IARS1: variants seen among roughly 807,000 people sequenced by gnomAD.
IARS1 encodes isoleucine--tRNA ligase, cytoplasmic.
Under a neutral mutation model 168.2 loss-of-function variants are expected in IARS1, and 124 were observed. The observed-to-expected ratio is 0.74, with a 90% CI of 0.64 to 0.86. The LOEUF (loss-of-function observed/expected upper bound fraction) is 0.86, where lower values mean the gene tolerates loss of function less well. Ranked by LOEUF, IARS1 falls within the 40% of genes least tolerant of loss-of-function variation. IARS1 has a pLI of 0.00. For missense variants in IARS1, 1,452 were observed against 1,515.8 expected, an observed-to-expected ratio of 0.96 and a Z score of 0.70; for synonymous variants, 532 against 529.4, an observed-to-expected ratio of 1.00 and a Z score of -0.07.
chr9:92,222,581 G>A lies in IARS1; in HGVS notation c.3645C>T (p.Ala1215=). ...LTHQGLLYEA[A]KVFGLRSRKL... ...TCCTGCTCCGAAGGCCAAACACCTT[G>A]GCTGCTTCATACAGAAGACCTTGGT... The change falls in exon 33 of 34, where the codon GCC becomes GCT. Residue 1215 remains alanine (A), a synonymous_variant. Coordinates refer to ENST00000443024, the MANE Select transcript of IARS1 (RefSeq NM_002161.6). 1 of 1,614,056 alleles carries A rather than the reference G, an allele frequency of 6.2e-7. No individual in the cohort carries two copies. Among genetic ancestry groups the A allele is most frequent in the Non-Finnish European group, 8.5e-7 (1 of 1,180,004 alleles).
At chr9:92,257,823 G>C (rs1830937779) in intron 19 of IARS1, among the ~76,000 whole-genome samples, 1 of 152,128 alleles carries the variant, frequency 6.6e-6, no homozygotes, top group East Asian at 1.9e-4. Context: ...TACTTGTAAG[G>C]TGCTGGAGAT....
At chr9:92,275,562 A>G (rs1329605292) in intron 9 of IARS1, among the ~76,000 whole-genome samples, 1 of 152,250 alleles carries the variant, frequency 6.6e-6, no homozygotes, top group Non-Finnish European at 1.5e-5. Context: ...GTTTAAACAG[A>G]AAGACAGAAT....
rs911355789 is a variant in IARS1, at chr9:92,287,862, C to T, written c.325G>A (p.Ala109Thr). The stretch of plus-strand genomic sequence containing the variant: ...TTATACTCTGTAATCCCCATTTTGG[C>T]CACATCCTCTGGTCCTCTGATTCCC... Reference protein sequence around the residue: ...TLGIRGPEDVAKMGITEYNNQ... With the variant: ...TLGIRGPEDVTKMGITEYNNQ... The change falls in exon 4 of 34, where the codon GCC becomes ACC. Residue 109 changes from alanine to threonine, a missense_variant. Transcript: ENST00000443024. 6.2e-7 allele frequency: 1 copy of T among 1,613,812 alleles called. No homozygotes were observed. The highest frequency in any genetic ancestry group is 8.5e-7 in the Non-Finnish European group (1 of 1,179,800).
rs765391755 is a variant in IARS1 at position 92,289,385 on chromosome 9, G to A, written c.35C>T (p.Pro12Leu). 4 of 1,587,444 alleles carry A rather than the reference G, an allele frequency of 2.5e-6. No individual in the cohort carries two copies. The South Asian group carries it at 4.4e-5, about 18-fold the overall frequency. ...LQQVPENINFPAEEEKILEFW... is the reference protein window; with the variant it reads ...LQQVPENINFLAEEEKILEFW... ...CTCCAAGATTTTCTCTTCTTCAGCA[G>A]GAAAATTTATGTTTTCTGGAACTTG... The change falls in exon 2 of 34, where the codon CCT becomes CTT. Residue 12 changes from proline (P) to leucine (L), a missense_variant. Coordinates refer to ENST00000443024, the MANE Select transcript of IARS1 (RefSeq NM_002161.6).
intron 30 of IARS1, chr9:92,240,535 C>A: frequency 4.9e-6 from 3 of 618,024 alleles, no homozygotes; most frequent in Non-Finnish European, 8.7e-6. Context: ...GCTGGGATTA[C>A]AGGTGTGAGC....
At chr9:92,240,382 G>A in intron 30 of IARS1, 1 of 344,424 alleles carries the variant, frequency 2.9e-6, no homozygotes, top group Non-Finnish European at 5.2e-6. Flanking sequence ...TCATGCCTCA[G>A]CCTCCTGAGT....
chr9:92,287,391 G>T (rs1835620744), intron 4 of IARS1: 1 of 154,312 alleles, frequency 6.5e-6, no homozygotes, highest in Non-Finnish European at 1.5e-5. Context: ...GGTTACCGAA[G>T]ATGTTAGCAG....
At chr9:92,244,306 T>G (rs1257784632) in intron 27 of IARS1, among the ~76,000 whole-genome samples, 1 of 152,146 alleles carries the variant, frequency 6.6e-6, no homozygotes, top group Non-Finnish European at 1.5e-5. Context: ...ACATCTAACT[T>G]AAGCGCCTGG....
intron 28 of IARS1, chr9:92,242,988 A>AG (rs1213412506): frequency 2.5e-5 from 11 of 434,630 alleles, no homozygotes; most frequent in African/African-American, 4.0e-5. Flanking sequence ...GCTAAAAAAA[A>AG]GGATGGGAAA....
intron 7 of IARS1, among the ~76,000 whole-genome samples, chr9:92,279,293 T>G (rs1161028098): frequency 6.6e-6 from 1 of 152,148 alleles, no homozygotes; most frequent in Non-Finnish European, 1.5e-5. Flanking sequence ...AGATACAAAG[T>G]CTGCCAAGCA....
intron 27 of IARS1, among the ~76,000 whole-genome samples, chr9:92,243,754 T>C (rs566418249): frequency 2.6e-5 from 4 of 152,338 alleles, no homozygotes; most frequent in African/African-American, 9.6e-5. Context: ...TCCTATACCA[T>C]GACCCCTGTG....
intron 14 of IARS1, among the ~76,000 whole-genome samples, chr9:92,266,938 A>T (rs1832365513): frequency 6.6e-6 from 1 of 152,202 alleles, no homozygotes; most frequent in Non-Finnish European, 1.5e-5. Context: ...TACACTAAAC[A>T]GACTAAAACA....
chr9:92,282,860 A>ATATT lies in IARS1; in HGVS notation c.598-1968_598-1967insAATA, dbSNP rs1230782830. 3.2e-3 allele frequency among the ~76,000 whole-genome samples: 426 copies of ATATT among 132,828 alleles called. 9 individuals are homozygous for ATATT. The highest frequency in any genetic ancestry group is 0.011 in the African/African-American group (396 of 34,532). The allele number at this position is 132,828 out of a possible 152,430, so 87.1% of individuals were successfully genotyped here. A position where few individuals can be genotyped will look rare whatever the true frequency, so the allele number is the denominator to read the frequency against. On this transcript the variant is annotated intron_variant, in intron 6 of 33. Transcript: ENST00000443024. ...CACACATATATATATATATATATAT[A>ATATT]TTTTTTTTTTTTGAGACAGAGTCTA...
At chr9:92,240,565 T>C (rs911085317) in intron 30 of IARS1, 1 of 645,112 alleles carries the variant, frequency 1.6e-6, no homozygotes. Context: ...TGGCCCTTTT[T>C]TTTTTTTTAA....
intron 26 of IARS1, among the ~76,000 whole-genome samples, chr9:92,246,343 G>A (rs1829195061): frequency 6.6e-6 from 1 of 152,098 alleles, no homozygotes; most frequent in African/African-American, 2.4e-5. Context: ...AGAGGAAGCC[G>A]TAACAATAAA....
intron 9 of IARS1, 46 bp from the exon 10 acceptor site, chr9:92,274,567 T>C (rs1249711903): frequency 6.0e-6 from 8 of 1,330,214 alleles, no homozygotes; most frequent in Non-Finnish European, 7.6e-6. Flanking sequence ...CATTACTGTG[T>C]TACAACGTTA....
rs372014384 is a variant in IARS1 at position 92,230,967 on chromosome 9, C to T, written c.3284-1841G>A. On this transcript the variant is annotated intron_variant, in intron 30 of 33. Transcript: ENST00000443024. ...TCTTTACTGTTGAGATTTAAAAGATCTTTACGTATTCTAGATATGTCTTTT... is the reference window on the plus strand; with the variant it reads ...TCTTTACTGTTGAGATTTAAAAGATTTTTACGTATTCTAGATATGTCTTTT... Among the ~76,000 whole-genome samples, 9 of 152,248 alleles carry T rather than the reference C, an allele frequency of 5.9e-5. No homozygotes were observed. The South Asian group carries it at 1.9e-3, about 32-fold the overall frequency.
intron 26 of IARS1, 137 bp from the exon 27 acceptor site, chr9:92,245,208 G>A (rs1437732009): frequency 1.3e-5 from 9 of 675,636 alleles, no homozygotes; most frequent in Non-Finnish European, 2.1e-5. Context: ...ATTTCCCTCT[G>A]ACTCATGTCA....
rs943604021 is a variant in IARS1 at position 92,277,780 on chromosome 9, T to C, written c.894+83A>G. The C allele has an allele frequency of 1.5e-5, 17 of 1,115,376 alleles. No homozygotes were observed. In the Admixed American group the frequency reaches 2.5e-4, roughly 17 times the overall value. 69.1% of individuals were successfully genotyped at this position (1,115,376 alleles called of 1,614,324 possible). ...GATTCAGGTACACTCATAAAAGTAA[T>C]GTCAATTCCACTTCTCACAACACCC... On this transcript the variant is annotated intron_variant, in intron 9 of 33. Transcript: ENST00000443024.
Sources: allele counts gnomAD v4.1 joint callset (sites outside exome capture counted in the v4.1 genomes callset), GRCh38; gene constraint gnomAD v4.1.1; transcripts MANE v1.5; gene names NCBI Gene and HGNC (gene_info 2026-07-23, HGNC 2026-07-21).